Variants in DLG1 observed in about 807,000 individuals in gnomAD.
The protein encoded by DLG1 is disks large homolog 1.
Under a neutral mutation model 123.4 loss-of-function variants are expected in DLG1, and 42 were observed. The observed-to-expected ratio is 0.34, with a 90% CI of 0.27 to 0.44. The LOEUF is 0.44. Among genes scored for constraint, DLG1 ranks in the 20% least tolerant of loss-of-function variants. DLG1 has a pLI of 1.00. For missense variants in DLG1, 942 were observed against 1,082.6 expected (o/e 0.87, Z 1.82); for synonymous variants, 317 against 356.2 (o/e 0.89, Z 1.24).
intron 4 of DLG1, among the ~76,000 whole-genome samples, chr3:197,248,640 C>T (rs1578690940): frequency 6.6e-6 from 1 of 152,202 alleles, no homozygotes; most frequent in African/African-American, 2.4e-5. Flanking sequence ...TTTCTGTGTC[C>T]TCCCCTTGTT....
chr3:197,126,894 T>A (rs1779399092), intron 11 of DLG1, among the ~76,000 whole-genome samples: 2 of 152,300 alleles, frequency 1.3e-5, no homozygotes, highest in South Asian at 4.1e-4. Flanking sequence ...TCTTGACAGT[T>A]CTAAAATTGG....
chr3:197,054,675 C>T (rs546202476), intron 23 of DLG1, among the ~76,000 whole-genome samples: 18 of 152,148 alleles, frequency 1.2e-4, no homozygotes, highest in Admixed American at 1.1e-3. Flanking sequence ...GACAAGGTCT[C>T]CCTCTGTTGC....
At chr3:197,186,949 A>C (rs939918562) in intron 5 of DLG1, among the ~76,000 whole-genome samples, 7 of 152,190 alleles carry the variant, frequency 4.6e-5, no homozygotes, top group South Asian at 2.1e-4. Context: ...TACAAAAAAA[A>C]CCCACCAAAA....
chr3:197,288,015 T>C (rs976120834), intron 3 of DLG1, among the ~76,000 whole-genome samples: 5 of 152,172 alleles, frequency 3.3e-5, no homozygotes, highest in African/African-American at 1.2e-4. Context: ...ACAATATTTA[T>C]AATTCACAAA....
intron 4 of DLG1, among the ~76,000 whole-genome samples, chr3:197,263,604 T>G (rs1760446168): frequency 6.6e-6 from 1 of 152,136 alleles, no homozygotes; most frequent in South Asian, 2.1e-4. Context: ...CTGGCCAACA[T>G]GGTGAAATCC....
At chr3:197,298,018 G>GC in intron 1 of DLG1, 2 of 781,786 alleles carry the variant, frequency 2.6e-6, no homozygotes, top group Non-Finnish European at 3.1e-6. Flanking sequence ...GCTCGCCGCG[G>GC]CCCCCCGGCC....
chr3:197,202,844 A>C (rs1234099196), intron 4 of DLG1, among the ~76,000 whole-genome samples: 1 of 152,228 alleles, frequency 6.6e-6, no homozygotes, highest in African/African-American at 2.4e-5. Flanking sequence ...GATCTGGGAA[A>C]ATTACTTTAA....
chr3:197,233,933 G>A lies in DLG1; in HGVS notation c.319-39344C>T, dbSNP rs148148136. The stretch of plus-strand genomic sequence containing the variant: ...AATCCATCCATTATACACTGGAAGC[G>A]GAGCTCTGATAAACAATATCCATGG... On this transcript the variant is annotated intron_variant, in intron 4 of 24. Coordinates refer to ENST00000667157, the MANE Select transcript of DLG1 (RefSeq NM_001366207.1). Among the ~76,000 whole-genome samples, 12 of 152,324 alleles carry A rather than the reference G, an allele frequency of 7.9e-5. No homozygotes were observed. The East Asian group carries it at 1.7e-3, about 22-fold the overall frequency.
chr3:197,217,206 C>T lies in DLG1; in HGVS notation c.319-22617G>A, dbSNP rs192404286. On this transcript the variant is annotated intron_variant, in intron 4 of 24. Coordinates refer to ENST00000667157, the MANE Select transcript of DLG1 (RefSeq NM_001366207.1). Reference sequence around the variant, plus strand: ...TTATAGTGATACACCATAATTTGTCCGTAAGCTGACAACTGTTGAAGGTAG... The same window carrying T: ...TTATAGTGATACACCATAATTTGTCTGTAAGCTGACAACTGTTGAAGGTAG... 4.6e-5 allele frequency among the ~76,000 whole-genome samples: 7 copies of T among 152,078 alleles called. No individual in the cohort carries two copies. In the East Asian group the frequency reaches 1.4e-3, roughly 29 times the overall value.
At chr3:197,266,117 A>G (rs1202492925) in intron 4 of DLG1, among the ~76,000 whole-genome samples, 1 of 152,134 alleles carries the variant, frequency 6.6e-6, no homozygotes. Context: ...ACATCCCAAA[A>G]CAAAGCTCAA....
In DLG1 at chr3:197,261,077, A is replaced by C. The variant is rs556719083; in HGVS notation, c.318+21602T>G. 1.3e-3 allele frequency among the ~76,000 whole-genome samples: 192 copies of C among 152,346 alleles called. 1 individual carries two copies. The highest frequency in any genetic ancestry group is 4.4e-3 in the African/African-American group (182 of 41,584). The stretch of plus-strand genomic sequence containing the variant: ...CCCACACACCAAAAAAAACCACCAC[A>C]AAAAGATAGTTACAACTATGTAACC... On this transcript the variant is annotated intron_variant, in intron 4 of 24. Transcript: ENST00000667157.
At chr3:197,220,010 G>A (rs1043768811) in intron 4 of DLG1, among the ~76,000 whole-genome samples, 1 of 152,162 alleles carries the variant, frequency 6.6e-6, no homozygotes, top group Non-Finnish European at 1.5e-5. Flanking sequence ...GTACACTGTA[G>A]AATTTAATAC....
intron 5 of DLG1, among the ~76,000 whole-genome samples, chr3:197,179,380 A>G (rs2150113727): frequency 6.6e-6 from 1 of 152,288 alleles, no homozygotes; most frequent in South Asian, 2.1e-4. Flanking sequence ...TGGTAGTCTC[A>G]TCAAGAATTT....
rs200288209 is a variant in DLG1, at chr3:197,100,869, T to TC, written c.1546+4033dup. ...TGGCCCCGAAGAATGGAAAGACCAG[T>TC]CATACCAGTTTAGACAAATGTCATC... On this transcript the variant is annotated intron_variant, in intron 14 of 24. Transcript: ENST00000667157. Among the ~76,000 whole-genome samples the TC allele has an allele frequency of 5.2e-3, 788 of 152,312 alleles. 7 individuals carry two copies. The highest frequency in any genetic ancestry group is 0.018 in the African/African-American group (743 of 41,564).
chr3:197,083,234 CT>C (rs1440830580), intron 16 of DLG1, among the ~76,000 whole-genome samples: 1 of 152,096 alleles, frequency 6.6e-6, no homozygotes, highest in Non-Finnish European at 1.5e-5. Context: ...AATAATATTA[CT>C]TTTCAACTTC....
At chr3:197,192,645 T>C (rs958986781) in intron 5 of DLG1, among the ~76,000 whole-genome samples, 6 of 152,112 alleles carry the variant, frequency 3.9e-5, no homozygotes, top group African/African-American at 1.4e-4. Flanking sequence ...TTAATTGATA[T>C]TCAGCTATCC....
chr3:197,081,534 G>A (rs1164016637), intron 16 of DLG1, among the ~76,000 whole-genome samples: 1 of 152,148 alleles, frequency 6.6e-6, no homozygotes, highest in Non-Finnish European at 1.5e-5. Context: ...AGTGGGAGAA[G>A]GATATGTGGA....
At chr3:197,099,324 C>G (rs772688761) in intron 14 of DLG1, among the ~76,000 whole-genome samples, 3 of 152,206 alleles carry the variant, frequency 2.0e-5, no homozygotes, top group Non-Finnish European at 2.9e-5. Context: ...CTCAGCCTCC[C>G]GAAGTGCTAA....
intron 4 of DLG1, among the ~76,000 whole-genome samples, chr3:197,247,095 C>T (rs1364464123): frequency 6.6e-6 from 1 of 152,194 alleles, no homozygotes; most frequent in Non-Finnish European, 1.5e-5. Flanking sequence ...GACTTCTGAG[C>T]TAGTTAAGGG....
Sources: allele counts gnomAD v4.1 joint callset (sites outside exome capture counted in the v4.1 genomes callset), GRCh38; gene constraint gnomAD v4.1.1; transcripts MANE v1.5; gene names NCBI Gene and HGNC (gene_info 2026-07-23, HGNC 2026-07-21).